PARVA: variants seen among roughly 807,000 people sequenced by gnomAD.
PARVA encodes parvin alpha, also known as alpha-parvin.
Under a neutral mutation model 52.6 loss-of-function variants are expected in PARVA, and 25 were observed. The observed-to-expected ratio is 0.48, with a 90% CI of 0.35 to 0.66. The LOEUF (loss-of-function observed/expected upper bound fraction) is 0.66. Ranked by LOEUF, PARVA falls within the 30% of genes least tolerant of loss-of-function variation. PARVA has a pLI of 0.01. For synonymous variants in PARVA, 185 were observed against 179.1 expected, an observed-to-expected ratio of 1.03 and a Z score of -0.26; for missense variants, 373 against 450.9, an observed-to-expected ratio of 0.83 and a Z score of 1.56.
At position 12,413,598 on chromosome 11, in the gene PARVA, A is replaced by C. The variant is rs748520790; in HGVS notation, c.136+35815A>C. On this transcript the variant is annotated intron_variant, in intron 1 of 12. Transcript: ENST00000334956. ...GGAACCTGTACACTCACACATTTTTAAGAAGCAGACTCCTCCTTCCAAGGG... is the reference window on the plus strand; with the variant it reads ...GGAACCTGTACACTCACACATTTTTCAGAAGCAGACTCCTCCTTCCAAGGG... Among the ~76,000 whole-genome samples, 139 of 152,332 alleles carry C rather than the reference A, an allele frequency of 9.1e-4. 1 individual carries two copies. The highest frequency in any genetic ancestry group is 8.3e-4 in the South Asian group (4 of 4,822).
chr11:12,439,893 C>A (rs532850096), intron 1 of PARVA, among the ~76,000 whole-genome samples: 6 of 152,348 alleles, frequency 3.9e-5, no homozygotes, highest in African/African-American at 1.2e-4. Flanking sequence ...TCCTTATGCA[C>A]AACCCTTCTT....
At chr11:12,514,390 C>T (rs1416567080) in intron 10 of PARVA, among the ~76,000 whole-genome samples, 1 of 152,238 alleles carries the variant, frequency 6.6e-6, no homozygotes, top group East Asian at 1.9e-4. Flanking sequence ...TAGGTAACCA[C>T]AACACAATTA....
At chr11:12,513,775 C>T (rs1941533087) in intron 9 of PARVA, 2 of 598,208 alleles carry the variant, frequency 3.3e-6, no homozygotes, top group East Asian at 5.6e-5. Context: ...CCTCCTTGTT[C>T]CTTACACGCC....
At chr11:12,521,222 T>G (rs933929) in intron 12 of PARVA, among the ~76,000 whole-genome samples, 149,805 of 152,272 alleles carry the variant, frequency 0.98, 73,729 homozygotes, top group Middle Eastern at 1. Context: ...CCAAGCAGGT[T>G]ATGGCAGCTT....
At chr11:12,380,821 G>A (rs1939474738) in intron 1 of PARVA, among the ~76,000 whole-genome samples, 1 of 152,106 alleles carries the variant, frequency 6.6e-6, no homozygotes, top group African/African-American at 2.4e-5. Context: ...TGCCAGCCAC[G>A]TCGCACTGTG....
chr11:12,440,766 T>C (rs1338934884), intron 1 of PARVA, among the ~76,000 whole-genome samples: 1 of 152,220 alleles, frequency 6.6e-6, no homozygotes. Context: ...CACTCTCAGC[T>C]CCTTGCCATA....
chr11:12,404,981 G>A (rs75392797), intron 1 of PARVA, among the ~76,000 whole-genome samples: 2,448 of 152,270 alleles, frequency 0.016, 65 homozygotes, highest in African/African-American at 0.056. Context: ...TTACAAAGGT[G>A]GGAATCTGGG....
intron 11 of PARVA, 79 bp from the exon 12 acceptor site, chr11:12,518,366 G>A (rs1347154222): frequency 3.9e-6 from 4 of 1,026,834 alleles, no homozygotes; most frequent in East Asian, 2.4e-5. Context: ...TACAGTGCTG[G>A]GCTCCTTCAC....
intron 6 of PARVA, among the ~76,000 whole-genome samples, chr11:12,505,388 T>C (rs535094854): frequency 2.8e-4 from 42 of 152,164 alleles, no homozygotes; most frequent in Non-Finnish European, 5.7e-4. Flanking sequence ...GGACTTTGAG[T>C]TGAACTTCCA....
intron 1 of PARVA, among the ~76,000 whole-genome samples, chr11:12,460,157 G>A (rs1359933778): frequency 3.3e-4 from 50 of 152,184 alleles, no homozygotes; most frequent in Admixed American, 3.3e-3. Context: ...TGTTTGGGGA[G>A]CACTTCCTCT....
At chr11:12,379,564 C>G (rs1441448382) in intron 1 of PARVA, among the ~76,000 whole-genome samples, 2 of 152,028 alleles carry the variant, frequency 1.3e-5, no homozygotes, top group East Asian at 3.9e-4. Flanking sequence ...ATCAACTTCT[C>G]TTCCCCCCTA....
intron 10 of PARVA, 114 bp downstream of exon 10, chr11:12,514,179 A>G: frequency 2.6e-6 from 2 of 769,484 alleles, no homozygotes; most frequent in Non-Finnish European, 4.5e-6. Flanking sequence ...GGATGAGGGC[A>G]TGGGAATCTG....
chr11:12,447,858 T>G lies in PARVA; in HGVS notation c.137-25887T>G, dbSNP rs535890996. ...TGAGGTTTGAAGTCAGTAGGACCCCTGTTGAGGGCCCTGCCTGATGCTTTG... is the reference window on the plus strand; with the variant it reads ...TGAGGTTTGAAGTCAGTAGGACCCCGGTTGAGGGCCCTGCCTGATGCTTTG... On this transcript the variant is annotated intron_variant, in intron 1 of 12. Coordinates refer to ENST00000334956, the MANE Select transcript of PARVA (RefSeq NM_018222.5). Among the ~76,000 whole-genome samples the G allele has an allele frequency of 2.0e-5, 3 of 152,342 alleles. No homozygotes were observed. The East Asian group carries it at 5.8e-4, about 29-fold the overall frequency.
At position 12,504,414 on chromosome 11, in the gene PARVA, A is replaced by C. The variant is rs778731820; in HGVS notation, c.642A>C (p.Gln214His). 1.2e-6 allele frequency: 2 copies of C among 1,611,428 alleles called. No individual in the cohort carries two copies. The highest frequency in any genetic ancestry group is 1.7e-6 in the Non-Finnish European group (2 of 1,177,802). ...GACTCCCAGACCATGTTTCCATCCA[A>C]GTGGTTGTGGTCCAGGTAAGACAGG... is the stretch of plus-strand genomic sequence containing the variant. ...PIRLPDHVSI[Q>H]VVVVQKREGI... is the part of the protein sequence containing the mutation. Residue 214 changes from glutamine (Q) to histidine (H), a missense_variant, in exon 6 of 13, where the codon CAA becomes CAC. Gln to His is a conservative substitution (Grantham distance 24, BLOSUM62 0). Transcript: ENST00000334956.
At chr11:12,412,405 T>C (rs1940003360) in intron 1 of PARVA, among the ~76,000 whole-genome samples, 1 of 152,176 alleles carries the variant, frequency 6.6e-6, no homozygotes, top group Admixed American at 6.5e-5. Flanking sequence ...GTGGGTCTTT[T>C]AAGGCCGTTT....
intron 1 of PARVA, among the ~76,000 whole-genome samples, chr11:12,398,070 C>A (rs1255341701): frequency 1.3e-5 from 2 of 152,102 alleles, no homozygotes; most frequent in African/African-American, 4.8e-5. Flanking sequence ...GTCCATTTGG[C>A]AGGGAGAGAT....
intron 1 of PARVA, among the ~76,000 whole-genome samples, chr11:12,461,789 T>C (rs1174455756): frequency 6.6e-6 from 1 of 152,184 alleles, no homozygotes; most frequent in Non-Finnish European, 1.5e-5. Flanking sequence ...GTGGAAACTG[T>C]AGGACTTGGG....
intron 1 of PARVA, among the ~76,000 whole-genome samples, chr11:12,441,821 T>C (rs374627774): frequency 3.3e-4 from 51 of 152,356 alleles, no homozygotes; most frequent in South Asian, 1.4e-3. Context: ...ATTTGCCCAA[T>C]GTAACACAAT....
intron 4 of PARVA, among the ~76,000 whole-genome samples, chr11:12,493,688 T>G (rs1413658704): frequency 6.6e-6 from 1 of 152,102 alleles, no homozygotes; most frequent in African/African-American, 2.4e-5. Context: ...TTAAATATAT[T>G]AGTGGAAACA....
Sources: allele counts gnomAD v4.1 joint callset (sites outside exome capture counted in the v4.1 genomes callset), GRCh38; gene constraint gnomAD v4.1.1; transcripts MANE v1.5; gene names NCBI Gene and HGNC (gene_info 2026-07-23, HGNC 2026-07-21).